Variants in TFPT observed in about 807,000 individuals in gnomAD.
The protein encoded by TFPT is INO80 complex subunit F.
A neutral mutation model predicts 28.8 loss-of-function variants in TFPT; 27 were observed. The ratio of observed to expected loss-of-function variants is 0.94; its 90% CI spans 0.69 to 1.29. The LOEUF (loss-of-function observed/expected upper bound fraction) is 1.29. Among genes scored for constraint, TFPT ranks in the 50% most tolerant of loss-of-function variants. TFPT has a pLI of 0.00. For missense variants in TFPT, 330 were observed against 338.0 expected (o/e 0.98, Z 0.19); for synonymous variants, 152 against 142.8 (o/e 1.06, Z -0.46).
At chr19:54,109,580 G>T (rs990842002) in intron 3 of TFPT, among the ~76,000 whole-genome samples, 62 of 152,164 alleles carry the variant, frequency 4.1e-4, no homozygotes, top group Non-Finnish European at 7.8e-4. Flanking sequence ...GAGACACACA[G>T]TGGGAAGCTC....
chr19:54,113,201 C>A (rs773202087), intron 2 of TFPT, among the ~76,000 whole-genome samples: 1 of 151,144 alleles, frequency 6.6e-6, no homozygotes, highest in Non-Finnish European at 1.5e-5. Context: ...GAGACAGTGT[C>A]GTTACAAAAG....
Position 54,107,295 on chromosome 19 carries a change from C to A in TFPT, c.643-126G>T, listed in dbSNP as rs1350771159. On this transcript the variant is annotated intron_variant, in intron 5 of 5. Transcript: ENST00000391759. ...ACAGGGTCTCACTCTGTTGCCCAGG[C>A]TGGAGTGCAGTGGTGCCATCATAGT... 2.3e-6 allele frequency: 3 copies of A among 1,328,910 alleles called. No individual in the cohort carries two copies. In the African/African-American group the frequency reaches 4.4e-5, roughly 19 times the overall value. 82.3% of individuals were successfully genotyped at this position (1,328,910 alleles called of 1,614,324 possible).
rs587767540 is a variant in TFPT at position 54,107,220 on chromosome 19, C to T, written c.643-51G>A. ...TAACAGGCCTGGGAATCTAGAAAAT[C>T]CCATCAGCTTCACCATTTTTGTTTT... On this transcript the variant is annotated intron_variant, in intron 5 of 5. Transcript: ENST00000391759. The T allele has an allele frequency of 6.3e-6, 10 of 1,580,676 alleles. No individual in the cohort carries two copies. In the East Asian group the frequency reaches 9.0e-5, roughly 14 times the overall value.
chr19:54,109,793 T>TCCTCCACCCG (rs2073389744), intron 3 of TFPT, among the ~76,000 whole-genome samples: 1 of 126,598 alleles, frequency 7.9e-6, no homozygotes, highest in Non-Finnish European at 1.7e-5. Context: ...AGGGGGAGGA[T>TCCTCCACCCG]GCCCTCCACC....
rs587721420 is a variant in TFPT, at chr19:54,110,879, C to T, written c.283-758G>A. Among the ~76,000 whole-genome samples, 12 of 152,282 alleles carry T rather than the reference C, an allele frequency of 7.9e-5. 1 individual carries two copies. The South Asian group carries it at 2.3e-3, about 29-fold the overall frequency. ...TCCAGCCAGAGCATGAGCTGAAAAACGACAGCAACTTGTTTCTACATCCCG... is the reference window on the plus strand; with the variant it reads ...TCCAGCCAGAGCATGAGCTGAAAAATGACAGCAACTTGTTTCTACATCCCG... On this transcript the variant is annotated intron_variant, in intron 2 of 5. Coordinates refer to ENST00000391759, the MANE Select transcript of TFPT (RefSeq NM_013342.4).
At chr19:54,115,132 T>C in intron 1 of TFPT, 115 bp downstream of exon 1, 1 of 1,499,262 alleles carries the variant, frequency 6.7e-7, no homozygotes, top group East Asian at 2.3e-5. Context: ...GGTAAAGCAG[T>C]TGCATGAACT....
intron 3 of TFPT, among the ~76,000 whole-genome samples, chr19:54,109,630 C>A (rs1187451712): frequency 6.6e-6 from 1 of 152,102 alleles, no homozygotes; most frequent in East Asian, 1.9e-4. Context: ...ACAACCCTGC[C>A]GCAGCCTCAT....
In TFPT at chr19:54,108,048, G is replaced by T. The variant is rs760574312; in HGVS notation, c.620C>A (p.Thr207Asn). 7 of 1,532,866 alleles carry T rather than the reference G, an allele frequency of 4.6e-6. No homozygotes were observed. The East Asian group carries it at 1.4e-4, about 30-fold the overall frequency. The allele number at this position is 1,532,866 out of a possible 1,614,324, so 95.0% of individuals were successfully genotyped here. Residue 207 changes from threonine to asparagine, a missense_variant, in exon 5 of 6, where the codon ACT becomes AAT. Physicochemically the swap from Thr to Asn is moderately conservative, Grantham distance 65. Coordinates refer to ENST00000391759, the MANE Select transcript of TFPT (RefSeq NM_013342.4). ...RDGRRAGNALTPELAPVQIKV... is the reference protein window; with the variant it reads ...RDGRRAGNALNPELAPVQIKV... ...CACCTGCACCGGGGCCAGCTCTGGAGTCAGCGCATTTCCTGCTCGGCGTCC... is the reference window on the plus strand; with the variant it reads ...CACCTGCACCGGGGCCAGCTCTGGATTCAGCGCATTTCCTGCTCGGCGTCC...
rs114072429 is a variant in TFPT, at chr19:54,108,653, C to G, written c.354-258G>C. On this transcript the variant is annotated intron_variant, in intron 3 of 5. Transcript: ENST00000391759. The stretch of plus-strand genomic sequence containing the variant: ...TGACACCCTCGGCTGGATGTTGCAG[C>G]GGTGACACTGAAGTAGTGACACCAG... 6.0e-4 allele frequency: 870 copies of G among 1,441,814 alleles called. 5 individuals are homozygous for G. The African/African-American group carries it at 0.011, about 19-fold the overall frequency. The allele number at this position is 1,441,814 out of a possible 1,614,324, so 89.3% of individuals were successfully genotyped here. A position where few individuals can be genotyped will look rare whatever the true frequency, so the allele number is the denominator to read the frequency against.
chr19:54,115,468 T>A lies in TFPT; in HGVS notation c.-199A>T. On this transcript the variant is annotated 5_prime_UTR_variant, in exon 1 of 6. It adds an upstream start codon to the 5' untranslated region. Transcript: ENST00000391759. ...CCCCACGTCCACCCCGAATCCCTGC[T>A]TAAAGGCCTTGCTTTCTTGTCTAAC... 1.5e-6 allele frequency: 1 copy of A among 654,954 alleles called. No homozygotes were observed. Among genetic ancestry groups the A allele is most frequent in the Non-Finnish European group, 2.6e-6 (1 of 382,564 alleles). The allele number at this position is 654,954 out of a possible 1,614,324, so 40.6% of individuals were successfully genotyped here.
At chr19:54,115,208 C>G in intron 1 of TFPT, 39 bp downstream of exon 1, 2 of 1,614,138 alleles carry the variant, frequency 1.2e-6, no homozygotes, top group Non-Finnish European at 1.7e-6. Flanking sequence ...GCACTGTTTT[C>G]TGGGATTCGC....
At chr19:54,115,156 G>T in intron 1 of TFPT, 91 bp downstream of exon 1, 8 of 1,584,628 alleles carry the variant, frequency 5.0e-6, no homozygotes, top group Non-Finnish European at 6.9e-6. Flanking sequence ...ACCCCCATCA[G>T]ACCTCAGCGT....
In TFPT at chr19:54,114,425, G is replaced by T. The variant is rs759547956; in HGVS notation, c.282+17C>A. 1.2e-6 allele frequency: 2 copies of T among 1,605,050 alleles called. No individual in the cohort carries two copies. Among genetic ancestry groups the T allele is most frequent in the Admixed American group, 1.7e-5 (1 of 59,654 alleles). On this transcript the variant is annotated intron_variant, in intron 2 of 5. Coordinates refer to ENST00000391759, the MANE Select transcript of TFPT (RefSeq NM_013342.4). ...AGGCCAGGGGACCCCAAAACCGGGG[G>T]ATCCGCACTCACCTACCTGCTCGAT... is the stretch of plus-strand genomic sequence containing the variant.
In TFPT at chr19:54,114,580, C is replaced by T; in HGVS notation, c.144G>A (p.Val48=). 2 of 1,614,152 alleles carry T rather than the reference C, an allele frequency of 1.2e-6. No homozygotes were observed. The highest frequency in any genetic ancestry group is 1.7e-6 in the Non-Finnish European group (2 of 1,180,026). Residue 48 remains valine, a synonymous_variant, in exon 2 of 6, where the codon GTG becomes GTA. Transcript: ENST00000391759. ...ESELETEVEF[V]SGGLGGSGLR... is the part of the protein sequence containing the mutation. ...GCCCTGAGCCGCCCAGACCACCTGACACAAACTCCACTTCCGTCTCCAGCT... is the reference window on the plus strand; with the variant it reads ...GCCCTGAGCCGCCCAGACCACCTGATACAAACTCCACTTCCGTCTCCAGCT...
At position 54,108,397 on chromosome 19, in the gene TFPT, T is replaced by C; in HGVS notation, c.354-2A>G. The C allele has an allele frequency of 6.2e-7, 1 of 1,613,892 alleles. No individual in the cohort carries two copies. The highest frequency in any genetic ancestry group is 1.1e-5 in the South Asian group (1 of 91,046). ...GAGTCCAGCACTCTCATGAGGAACC[T>C]GCTCAGGGGGAGAAGCCACCAACGG... On this transcript the variant is annotated splice_acceptor_variant, in intron 3 of 5. Transcript: ENST00000391759. LOFTEE classifies it high-confidence loss of function.
Position 54,115,248 on chromosome 19 carries a change from C to T in TFPT, c.22G>A (p.Gly8Arg), listed in dbSNP as rs2073590764. The change falls in exon 1 of 6, where the codon GGG (glycine) becomes AGG (arginine). Residue 8 changes from glycine (G) to arginine (R), a missense_variant and splice_region_variant. Coordinates refer to ENST00000391759, the MANE Select transcript of TFPT (RefSeq NM_013342.4). Reference sequence around the variant, plus strand: ...TTTCACAAGGGCTCAGCCACATACCCTTCTCTCTGCTCCAATTCCATCTCC... The same window carrying T: ...TTTCACAAGGGCTCAGCCACATACCTTTCTCTCTGCTCCAATTCCATCTCC... The part of the protein sequence containing the change: MELEQRE[G>R]TMAAVGFEEF... 6.2e-7 allele frequency: 1 copy of T among 1,614,152 alleles called. No homozygotes were observed. Among genetic ancestry groups the T allele is most frequent in the South Asian group, 1.1e-5 (1 of 91,090 alleles).
chr19:54,109,162 T>C (rs146320718), intron 3 of TFPT: 4,044 of 157,398 alleles, frequency 0.026, 176 homozygotes, highest in African/African-American at 0.091. Context: ...CCCAAAGTGC[T>C]GGGATTACAG....
chr19:54,115,165 G>T (rs752051570), intron 1 of TFPT, 82 bp downstream of exon 1: 1 of 1,602,610 alleles, frequency 6.2e-7, no homozygotes, highest in South Asian at 1.1e-5. Flanking sequence ...AGACCTCAGC[G>T]TAAAAGCTCA....
chr19:54,107,751 C>G (rs587757686), intron 5 of TFPT, among the ~76,000 whole-genome samples: 1 of 152,294 alleles, frequency 6.6e-6, no homozygotes, highest in East Asian at 1.9e-4. Context: ...CTTCCTCTTT[C>G]CCTTTCCAAC....
Sources: allele counts gnomAD v4.1 joint callset (sites outside exome capture counted in the v4.1 genomes callset), GRCh38; gene constraint gnomAD v4.1.1; transcripts MANE v1.5; gene names NCBI Gene and HGNC (gene_info 2026-07-23, HGNC 2026-07-21).